Variants in SH3BP2 observed in about 807,000 individuals in gnomAD.
The protein encoded by SH3BP2 is SH3 domain binding protein 2.
SH3BP2 carries 38 observed loss-of-function variants against 56.2 expected under a neutral mutation model. The ratio of observed to expected loss-of-function variants is 0.68; its 90% CI spans 0.52 to 0.89. SH3BP2 has a LOEUF of 0.89. SH3BP2 is among the 40% of genes least tolerant of loss of function. The pLI is 0.00. For missense variants in SH3BP2, 748 were observed against 762.6 expected (o/e 0.98, Z 0.23); for synonymous variants, 346 against 316.7 (o/e 1.09, Z -0.98).
chr4:2,831,823 G>A lies in SH3BP2; in HGVS notation c.1351-100G>A, dbSNP rs1725003444. ...GGAGCCTAGGGGGACACAGCACCAT[G>A]TAAAGCCCCGGATCCCGGCACCGGG... On this transcript the variant is annotated intron_variant, in intron 9 of 12. Transcript: ENST00000503393. This position sits in a 1 kb window ranked among gnomAD's most constrained non-coding sequence, Gnocchi z 4.1. 3 of 1,434,830 alleles carry A rather than the reference G, an allele frequency of 2.1e-6. No individual in the cohort carries two copies. Among genetic ancestry groups the A allele is most frequent in the Non-Finnish European group, 1.9e-6 (2 of 1,034,056 alleles). The allele number at this position is 1,434,830 out of a possible 1,614,324, so 88.9% of individuals were successfully genotyped here. A position where few individuals can be genotyped will look rare whatever the true frequency, so the allele number is the denominator to read the frequency against.
chr4:2,827,392 A>G (rs1724727612), intron 6 of SH3BP2, 74 bp downstream of exon 6: 2 of 1,411,400 alleles, frequency 1.4e-6, no homozygotes, highest in Non-Finnish European at 1.0e-6. Flanking sequence ...TGTGGAGGAG[A>G]GGGAGGTGTG....
intron 5 of SH3BP2, 138 bp downstream of exon 5, chr4:2,825,334 C>T (rs1045954616): frequency 1.4e-5 from 10 of 725,900 alleles, no homozygotes; most frequent in Non-Finnish European, 2.3e-5. Flanking sequence ...AGCTGGGCTG[C>T]GTCTCTCTGC....
At chr4:2,802,811 G>C (rs1723366471) in intron 1 of SH3BP2, among the ~76,000 whole-genome samples, 1 of 152,138 alleles carries the variant, frequency 6.6e-6, no homozygotes, top group Non-Finnish European at 1.5e-5. Context: ...TGGACAGAGG[G>C]AAGGGACCCT....
At chr4:2,818,357 C>T (rs1272058240) in intron 1 of SH3BP2, 27 of 1,180,130 alleles carry the variant, frequency 2.3e-5, no homozygotes, top group Non-Finnish European at 2.8e-5. Context: ...TGGATCGCCC[C>T]GGGGAAGCCG....
At chr4:2,808,388 A>G (rs1723620193) in intron 1 of SH3BP2, among the ~76,000 whole-genome samples, 1 of 152,200 alleles carries the variant, frequency 6.6e-6, no homozygotes, top group African/African-American at 2.4e-5. Flanking sequence ...ACTTAGTTAC[A>G]TCGAAGACCC....
rs1443585406 is a variant in SH3BP2, at chr4:2,831,151, G to A, written c.1242-420G>A. Among the ~76,000 whole-genome samples, 2 of 152,252 alleles carry A rather than the reference G, an allele frequency of 1.3e-5. No homozygotes were observed. Among genetic ancestry groups the A allele is most frequent in the African/African-American group, 2.4e-5 (1 of 41,466 alleles). ...GGACCGGCTAGCCACACAGGGAGGC[G>A]TGCAGGGACGCCATGGGCGTCCTTT... On this transcript the variant is annotated intron_variant, in intron 8 of 12. Transcript: ENST00000503393. The surrounding 1 kb of genome is among the most constrained non-coding windows in gnomAD (Gnocchi z 4.1).
At chr4:2,809,547 C>T (rs1209808791) in intron 1 of SH3BP2, among the ~76,000 whole-genome samples, 1 of 152,168 alleles carries the variant, frequency 6.6e-6, no homozygotes, top group Non-Finnish European at 1.5e-5. Flanking sequence ...GTCCCCATGC[C>T]ACTGATCCCT....
intron 1 of SH3BP2, among the ~76,000 whole-genome samples, chr4:2,794,621 A>G (rs2108692163): frequency 6.6e-6 from 1 of 152,356 alleles, no homozygotes; most frequent in Non-Finnish European, 1.5e-5. Context: ...AGCCGTGTCT[A>G]GGAACTGCCA....
chr4:2,833,231 C>G (rs933633250), intron 12 of SH3BP2, 182 bp downstream of exon 12: 1 of 668,758 alleles, frequency 1.5e-6, no homozygotes, highest in Non-Finnish European at 2.7e-6. Flanking sequence ...TCCCTCCTCT[C>G]GTGGCCTACC....
chr4:2,812,561 G>C, intron 1 of SH3BP2: 1 of 1,474,666 alleles, frequency 6.8e-7, no homozygotes. Flanking sequence ...CCCCACGTGG[G>C]AGCCACAGCC....
chr4:2,815,756 C>G (rs910337197), intron 1 of SH3BP2, among the ~76,000 whole-genome samples: 1 of 152,242 alleles, frequency 6.6e-6, no homozygotes, highest in Admixed American at 6.5e-5. Context: ...CTGTCACCCA[C>G]AGGGTGAACA....
At chr4:2,821,233 A>AT (rs1315669421) in intron 2 of SH3BP2, among the ~76,000 whole-genome samples, 1 of 152,210 alleles carries the variant, frequency 6.6e-6, no homozygotes, top group Non-Finnish European at 1.5e-5. Context: ...AAATGCTGAG[A>AT]TACTGAAGGC....
intron 1 of SH3BP2, among the ~76,000 whole-genome samples, chr4:2,803,572 T>C (rs1433575087): frequency 2.0e-5 from 3 of 152,190 alleles, no homozygotes; most frequent in African/African-American, 7.2e-5. Context: ...AGGCTGGGAC[T>C]GGAGCCCAGG....
Position 2,830,052 on chromosome 4 carries a change from TC to T in SH3BP2, c.1150del (p.Arg384GlyfsTer5). 1 of 1,611,948 alleles carries T rather than the reference TC, an allele frequency of 6.2e-7. No homozygotes were observed. The highest frequency in any genetic ancestry group is 8.5e-7 in the Non-Finnish European group (1 of 1,179,712). On this transcript the variant is annotated frameshift_variant, in exon 8 of 13. Coordinates refer to ENST00000503393, the MANE Select transcript of SH3BP2 (RefSeq NM_001122681.2). LOFTEE classifies it high-confidence loss of function. ...CCGGACTCTTTGTGCCCCCCGTGGC[TC>T]CCCGGCCTCCTGCGCTGAAGCTGCC... ...MPGLFVPPVAPRPPALKLPVP... is the reference protein window; with the variant it reads ...MPGLFVPPVAXRPPALKLPVP...
chr4:2,827,176 G>C, intron 5 of SH3BP2, 54 bp from the exon 6 acceptor site: 1 of 1,457,310 alleles, frequency 6.9e-7, no homozygotes, highest in South Asian at 1.1e-5. Context: ...TGAGCATCAA[G>C]GGACCTCCCA....
intron 12 of SH3BP2, 177 bp downstream of exon 12, chr4:2,833,226 CCT>C: frequency 1.5e-6 from 1 of 671,736 alleles, no homozygotes; most frequent in Non-Finnish European, 2.7e-6. Context: ...CAGCCTCCCT[CCT>C]CTCGTGGCCT....
chr4:2,793,435 C>T (rs1383879395), intron 1 of SH3BP2, among the ~76,000 whole-genome samples: 1 of 149,394 alleles, frequency 6.7e-6, no homozygotes, highest in African/African-American at 2.5e-5. Flanking sequence ...CCCCGGGCCC[C>T]GGGGCCTCCG....
rs1383361212 is a variant in SH3BP2 at position 2,831,310 on chromosome 4, G to A, written c.1242-261G>A. ...CTTGTTGACGGTGTGATGACACTGA[G>A]CTTGGGAACCCTGGACTCCCTTGCC... On this transcript the variant is annotated intron_variant, in intron 8 of 12. Transcript: ENST00000503393. The surrounding 1 kb of genome is among the most constrained non-coding windows in gnomAD (Gnocchi z 4.1). 1.3e-5 allele frequency among the ~76,000 whole-genome samples: 2 copies of A among 152,216 alleles called. No individual in the cohort carries two copies. The highest frequency in any genetic ancestry group is 4.8e-5 in the African/African-American group (2 of 41,434).
chr4:2,825,360 AAC>A (rs1490513136), intron 5 of SH3BP2, 164 bp downstream of exon 5: 1 of 686,528 alleles, frequency 1.5e-6, no homozygotes, highest in East Asian at 2.7e-5. Flanking sequence ...TCTACAGATA[AAC>A]ACAGATACAG....
Sources: allele counts gnomAD v4.1 joint callset (sites outside exome capture counted in the v4.1 genomes callset), GRCh38; gene constraint gnomAD v4.1.1; non-coding constraint Gnocchi (gnomAD v3.1); transcripts MANE v1.5; gene names NCBI Gene and HGNC (gene_info 2026-07-23, HGNC 2026-07-21).